PARN: variants seen among roughly 807,000 people sequenced by gnomAD.
PARN encodes poly(A)-specific ribonuclease.
PARN carries 71 observed loss-of-function variants against 102.8 expected under a neutral mutation model. The observed-to-expected ratio is 0.69, with a 90% CI of 0.57 to 0.84. The LOEUF (loss-of-function observed/expected upper bound fraction) is 0.84, where lower values mean the gene tolerates loss of function less well. Ranked by LOEUF, PARN falls within the 40% of genes least tolerant of loss-of-function variation. The pLI, the probability that PARN is intolerant of heterozygous loss-of-function variation, is 0.00. For missense variants in PARN, 782 were observed against 760.9 expected (o/e 1.03, Z -0.33); for synonymous variants, 261 against 252.9 (o/e 1.03, Z -0.30).
chr16:14,561,754 A>T (rs1158493616), intron 18 of PARN, among the ~76,000 whole-genome samples: 1 of 152,116 alleles, frequency 6.6e-6, no homozygotes, highest in Non-Finnish European at 1.5e-5. Flanking sequence ...GGCTGCAATG[A>T]GCTATAACAT....
At chr16:14,593,123 A>C (rs564377267) in intron 13 of PARN, among the ~76,000 whole-genome samples, 178 bp downstream of exon 13, 20 of 152,102 alleles carry the variant, frequency 1.3e-4, no homozygotes, top group African/African-American at 4.8e-4. Context: ...CAGAGTGAGA[A>C]TACATCTCAA....
At chr16:14,486,271 G>A (rs1963684592) in intron 21 of PARN, among the ~76,000 whole-genome samples, 1 of 152,134 alleles carries the variant, frequency 6.6e-6, no homozygotes, top group Non-Finnish European at 1.5e-5. Flanking sequence ...GGAGGCTGAG[G>A]TGAGAGGATT....
At chr16:14,546,914 G>C (rs922465386) in intron 21 of PARN, among the ~76,000 whole-genome samples, 1 of 151,930 alleles carries the variant, frequency 6.6e-6, no homozygotes, top group Non-Finnish European at 1.5e-5. Flanking sequence ...CCAACATGGT[G>C]AACCCTCGTC....
At chr16:14,505,915 T>C (rs757689085) in intron 21 of PARN, among the ~76,000 whole-genome samples, 3 of 152,254 alleles carry the variant, frequency 2.0e-5, no homozygotes, top group Non-Finnish European at 4.4e-5. Context: ...GATGAAAGAT[T>C]ACTGAGGAAC....
At chr16:14,564,309 A>T (rs1234773745) in intron 18 of PARN, among the ~76,000 whole-genome samples, 2 of 152,252 alleles carry the variant, frequency 1.3e-5, no homozygotes, top group African/African-American at 4.8e-5. Flanking sequence ...AGGGCTGATT[A>T]ACTTATAGCT....
chr16:14,486,777 G>C (rs1963724755), intron 21 of PARN, among the ~76,000 whole-genome samples: 1 of 152,234 alleles, frequency 6.6e-6, no homozygotes, highest in African/African-American at 2.4e-5. Flanking sequence ...AAATGAATTG[G>C]CTGTCAACTG....
chr16:14,475,644 T>C (rs888363844), intron 22 of PARN, among the ~76,000 whole-genome samples: 1 of 152,228 alleles, frequency 6.6e-6, no homozygotes, highest in Non-Finnish European at 1.5e-5. Context: ...TAGCCACGTG[T>C]AGAAGCTCGA....
intron 21 of PARN, among the ~76,000 whole-genome samples, chr16:14,497,017 C>T (rs995497501): frequency 2.0e-5 from 3 of 152,150 alleles, no homozygotes; most frequent in Non-Finnish European, 2.9e-5. Flanking sequence ...CCGTTGTTGA[C>T]GCCCCTTCCC....
At chr16:14,457,712 T>C (rs1374783243) in intron 22 of PARN, among the ~76,000 whole-genome samples, 1 of 144,034 alleles carries the variant, frequency 6.9e-6, no homozygotes, top group Non-Finnish European at 1.5e-5. Context: ...GCAGGAGAAC[T>C]GCTCGAACCT....
At chr16:14,592,016 G>C (rs189634185) in intron 13 of PARN, 1 of 151,174 alleles carries the variant, frequency 6.6e-6, no homozygotes, top group Non-Finnish European at 1.5e-5. Flanking sequence ...CCAGCCTGGT[G>C]AAAGAGTGAG....
chr16:14,502,046 G>T (rs1964648059), intron 21 of PARN, among the ~76,000 whole-genome samples: 1 of 152,188 alleles, frequency 6.6e-6, no homozygotes, highest in Non-Finnish European at 1.5e-5. Context: ...TGAGCAGAAG[G>T]CACAATGGAA....
At chr16:14,552,765 A>T (rs1358815338) in intron 20 of PARN, among the ~76,000 whole-genome samples, 2 of 152,092 alleles carry the variant, frequency 1.3e-5, no homozygotes. Context: ...CCTGACCAAC[A>T]TGGAGAAACC....
intron 13 of PARN, among the ~76,000 whole-genome samples, chr16:14,587,611 G>A (rs1261263867): frequency 6.6e-6 from 1 of 152,108 alleles, no homozygotes; most frequent in African/African-American, 2.4e-5. Context: ...AGGCACTGCA[G>A]GTATGCACCA....
chr16:14,509,160 T>C (rs1185370333), intron 21 of PARN, among the ~76,000 whole-genome samples: 1 of 152,172 alleles, frequency 6.6e-6, no homozygotes, highest in African/African-American at 2.4e-5. Context: ...AAGATGTTTT[T>C]GGCTTATGGT....
At position 14,563,476 on chromosome 16, in the gene PARN, TTGTGTGTGTGTG is replaced by T. The variant is rs56099416; in HGVS notation, c.1263-7779_1263-7768del. 6.6e-3 allele frequency among the ~76,000 whole-genome samples: 955 copies of T among 143,728 alleles called. 12 individuals carry two copies. The highest frequency in any genetic ancestry group is 0.02 in the East Asian group (96 of 4,862). 94.3% of individuals were successfully genotyped at this position (143,728 alleles called of 152,430 possible). A position where few individuals can be genotyped will look rare whatever the true frequency, so the allele number is the denominator to read the frequency against. ...AGTTTTAATGTGTTTGAAAATTCCT[TTGTGTGTGTGTG>T]TGTGTGTGTGTGTGTGTGTGTGTGT... On this transcript the variant is annotated intron_variant, in intron 18 of 23. Transcript: ENST00000437198.
chr16:14,516,486 CAA>C (rs1965462886), intron 21 of PARN, among the ~76,000 whole-genome samples: 1 of 151,684 alleles, frequency 6.6e-6, no homozygotes, highest in Admixed American at 6.6e-5. Flanking sequence ...CGCATCTGGT[CAA>C]AAAGAGTAAG....
intron 21 of PARN, among the ~76,000 whole-genome samples, chr16:14,525,380 G>A (rs751045266): frequency 9.9e-5 from 15 of 152,100 alleles, no homozygotes; most frequent in Non-Finnish European, 1.9e-4. Flanking sequence ...TCAATGCAGC[G>A]GTCACAGAAG....
intron 23 of PARN, among the ~76,000 whole-genome samples, chr16:14,443,590 C>T (rs1198637098): frequency 2.6e-5 from 4 of 152,118 alleles, no homozygotes; most frequent in African/African-American, 9.7e-5. Context: ...CTGCCCACCT[C>T]GCCCTCCAGA....
intron 22 of PARN, among the ~76,000 whole-genome samples, chr16:14,455,131 T>C (rs944657062): frequency 6.6e-6 from 1 of 152,250 alleles, no homozygotes. Flanking sequence ...ACACAAGTAT[T>C]AACTAATATT....
Sources: allele counts gnomAD v4.1 joint callset (sites outside exome capture counted in the v4.1 genomes callset), GRCh38; gene constraint gnomAD v4.1.1; transcripts MANE v1.5; gene names NCBI Gene and HGNC (gene_info 2026-07-23, HGNC 2026-07-21).